The following ADGRL2 variants were observed in gnomAD, a reference collection of about 807,000 sequenced individuals.
ADGRL2 encodes the protein adhesion G protein-coupled receptor L2.
Under a neutral mutation model 157.4 loss-of-function variants are expected in ADGRL2, and 44 were observed. The observed-to-expected ratio is 0.28, with a 90% CI of 0.22 to 0.36. ADGRL2 has a LOEUF of 0.36. ADGRL2 is among the 10% of genes least tolerant of loss of function. The pLI, the probability that ADGRL2 is intolerant of heterozygous loss-of-function variation, is 1.00. For missense variants in ADGRL2, 1,510 were observed against 1,768.9 expected (o/e 0.85, Z 2.63); for synonymous variants, 585 against 624.7 (o/e 0.94, Z 0.95).
intron 3 of ADGRL2, among the ~76,000 whole-genome samples, chr1:81,609,334 C>T (rs2081495333): frequency 6.6e-6 from 1 of 152,154 alleles, no homozygotes; most frequent in Admixed American, 6.5e-5. Flanking sequence ...TCCACCACAC[C>T]TGGCTCATAT....
At chr1:81,391,436 T>A (rs1485964861) in intron 1 of ADGRL2, among the ~76,000 whole-genome samples, 1 of 152,304 alleles carries the variant, frequency 6.6e-6, no homozygotes, top group Non-Finnish European at 1.5e-5. Context: ...CTCTAGGCAT[T>A]TGCAGGAACT....
chr1:81,815,515 A>C (rs1471374995), intron 1 of ADGRL2, among the ~76,000 whole-genome samples: 1 of 151,868 alleles, frequency 6.6e-6, no homozygotes, highest in Non-Finnish European at 1.5e-5. Flanking sequence ...TAAGGTATTC[A>C]AGAATACATT....
At chr1:81,900,514 A>G (rs981333411) in intron 2 of ADGRL2, among the ~76,000 whole-genome samples, 1 of 136,740 alleles carries the variant, frequency 7.3e-6, no homozygotes, top group Non-Finnish European at 1.6e-5. Flanking sequence ...CAGTGTTGTC[A>G]ATGAAAGTAA....
chr1:81,549,689 A>G (rs1032844011), intron 2 of ADGRL2, among the ~76,000 whole-genome samples: 1 of 152,244 alleles, frequency 6.6e-6, no homozygotes, highest in African/African-American at 2.4e-5. Context: ...CATAACATGT[A>G]AACAAGATCA....
At chr1:81,568,658 C>T (rs2080616732) in intron 2 of ADGRL2, among the ~76,000 whole-genome samples, 1 of 151,882 alleles carries the variant, frequency 6.6e-6, no homozygotes. Flanking sequence ...TTCAATAATC[C>T]CTTGGATTAA....
intron 1 of ADGRL2, among the ~76,000 whole-genome samples, chr1:81,815,348 A>G (rs943188577): frequency 2.0e-5 from 3 of 151,860 alleles, no homozygotes; most frequent in African/African-American, 7.2e-5. Context: ...TTGACAGAGC[A>G]TCATGCTGTG....
intron 2 of ADGRL2, among the ~76,000 whole-genome samples, chr1:81,863,100 G>A (rs1044861258): frequency 6.6e-6 from 1 of 152,170 alleles, no homozygotes; most frequent in Non-Finnish European, 1.5e-5. Flanking sequence ...ACAGTACAGT[G>A]AAGTTAGATG....
chr1:81,491,944 T>C lies in ADGRL2; in HGVS notation c.-248+46855T>C, dbSNP rs375724349. ...CCATATGACATGAGATGACTGAAGATGGAAACCAGTGCCAAAATGTAGTTA... is the reference window on the plus strand; with the variant it reads ...CCATATGACATGAGATGACTGAAGACGGAAACCAGTGCCAAAATGTAGTTA... On this transcript the variant is annotated intron_variant, in intron 2 of 24. Transcript: ENST00000370721. 6.2e-4 allele frequency among the ~76,000 whole-genome samples: 94 copies of C among 152,316 alleles called. 2 individuals carry two copies. In the South Asian group the frequency reaches 0.019, roughly 31 times the overall value.
rs1357346239 is a variant in ADGRL2 at position 81,943,852 on chromosome 1, A to G, written c.1210+83A>G. On this transcript the variant is annotated intron_variant, in intron 6 of 23. Coordinates refer to ENST00000686636, the MANE Select transcript of ADGRL2 (RefSeq NM_001366006.2). This position sits in a 1 kb window ranked among gnomAD's most constrained non-coding sequence, Gnocchi z 5.6. Reference sequence around the variant, plus strand: ...AAAGACTTCTTAATTTTTTTTTCCTATTTTCTTCCCCTTTTCATAGTTAAA... The same window carrying G: ...AAAGACTTCTTAATTTTTTTTTCCTGTTTTCTTCCCCTTTTCATAGTTAAA... 5 of 1,066,570 alleles carry G rather than the reference A, an allele frequency of 4.7e-6. No homozygotes were observed. In the East Asian group the frequency reaches 7.3e-5, roughly 16 times the overall value. 66.1% of individuals were successfully genotyped at this position (1,066,570 alleles called of 1,614,324 possible).
intron 2 of ADGRL2, among the ~76,000 whole-genome samples, chr1:81,524,819 C>G (rs1283727631): frequency 6.6e-6 from 1 of 151,954 alleles, no homozygotes; most frequent in South Asian, 2.1e-4. Context: ...GCAGGAGGAT[C>G]TCTTGAGTCC....
At chr1:81,801,335 A>AAGG (rs988493493) in intron 1 of ADGRL2, among the ~76,000 whole-genome samples, 4 of 151,650 alleles carry the variant, frequency 2.6e-5, no homozygotes, top group African/African-American at 7.3e-5. Context: ...GATTTGGGGG[A>AAGG]AGGAGGAGGA....
intron 1 of ADGRL2, among the ~76,000 whole-genome samples, chr1:81,832,721 C>G (rs2092033026): frequency 6.6e-6 from 1 of 152,134 alleles, no homozygotes; most frequent in Non-Finnish European, 1.5e-5. Flanking sequence ...CATTGCCAGC[C>G]CCAGCCCTAT....
chr1:81,877,953 T>G (rs2093884951), intron 2 of ADGRL2, among the ~76,000 whole-genome samples: 1 of 152,156 alleles, frequency 6.6e-6, no homozygotes, highest in African/African-American at 2.4e-5. Context: ...TAAATCATGT[T>G]TACAGATTTT....
At chr1:81,409,045 T>C (rs1003231790) in intron 1 of ADGRL2, among the ~76,000 whole-genome samples, 4 of 152,214 alleles carry the variant, frequency 2.6e-5, no homozygotes, top group Non-Finnish European at 5.9e-5. Flanking sequence ...GCTGATTCCA[T>C]AGGCTTGTGT....
At chr1:81,379,601 G>C (rs1270111489) in intron 1 of ADGRL2, among the ~76,000 whole-genome samples, 2 of 152,152 alleles carry the variant, frequency 1.3e-5, no homozygotes, top group Non-Finnish European at 2.9e-5. Context: ...TCGGAGGCCA[G>C]GGCTCTCCTC....
intron 2 of ADGRL2, among the ~76,000 whole-genome samples, chr1:81,455,536 T>TACCG: frequency 6.6e-6 from 1 of 152,178 alleles, no homozygotes; most frequent in Non-Finnish European, 1.5e-5. Context: ...AAACACCTAG[T>TACCG]GTTTTTCAGC....
At chr1:81,309,219 C>T (rs1659560829) in intron 1 of ADGRL2, among the ~76,000 whole-genome samples, 1 of 152,040 alleles carries the variant, frequency 6.6e-6, no homozygotes. Flanking sequence ...TTCTGTAATA[C>T]CGTATATATT....
At chr1:81,484,883 A>G (rs1431282764) in intron 2 of ADGRL2, among the ~76,000 whole-genome samples, 1 of 152,160 alleles carries the variant, frequency 6.6e-6, no homozygotes, top group Non-Finnish European at 1.5e-5. Flanking sequence ...TGAAGTTAGT[A>G]TAAGCAAATG....
At chr1:81,643,934 G>A (rs541483381) in intron 3 of ADGRL2, among the ~76,000 whole-genome samples, 66 of 152,230 alleles carry the variant, frequency 4.3e-4, no homozygotes, top group East Asian at 1.5e-3. Context: ...AATATTGAAG[G>A]AAGAGAACAA....
Sources: allele counts gnomAD v4.1 joint callset (sites outside exome capture counted in the v4.1 genomes callset), GRCh38; gene constraint gnomAD v4.1.1; non-coding constraint Gnocchi (gnomAD v3.1); transcripts MANE v1.5; gene names NCBI Gene and HGNC (gene_info 2026-07-23, HGNC 2026-07-21).